Variants in NME2 observed in about 807,000 individuals in gnomAD.
The protein encoded by NME2 is nucleoside diphosphate kinase B.
A neutral mutation model predicts 17.8 loss-of-function variants in NME2; 18 were observed. The ratio of observed to expected loss-of-function variants is 1.01; its 90% CI spans 0.70 to 1.50. NME2 has a LOEUF of 1.50. Ranked by LOEUF, NME2 falls within the 40% of genes most tolerant of loss-of-function variation. The pLI, the probability that NME2 is intolerant of heterozygous loss-of-function variation, is 0.00. For missense variants in NME2, 161 were observed against 195.6 expected (o/e 0.82, Z 1.05); for synonymous variants, 74 against 71.4 (o/e 1.04, Z -0.19).
At chr17:51,171,029 G>C (rs1568128221) in intron 4 of NME2, among the ~76,000 whole-genome samples, 2 of 152,194 alleles carry the variant, frequency 1.3e-5, no homozygotes, top group Admixed American at 6.6e-5. Flanking sequence ...TTGTGAGGTT[G>C]AAGTGGGATA....
intron 4 of NME2, 92 bp downstream of exon 4, chr17:51,170,141 C>A: frequency 1.1e-6 from 1 of 942,496 alleles, no homozygotes; most frequent in Non-Finnish European, 1.5e-6. Flanking sequence ...GAATCTGTGC[C>A]CTTTTTTTTT....
chr17:51,166,774 C>A (rs2049948392), intron 1 of NME2, 53 bp from the exon 2 acceptor site: 1 of 1,512,060 alleles, frequency 6.6e-7, no homozygotes, highest in Non-Finnish European at 8.8e-7. Flanking sequence ...GTGGCCTCCG[C>A]GGGCCCCGCC....
intron 3 of NME2, among the ~76,000 whole-genome samples, chr17:51,169,199 T>C (rs1037101639): frequency 6.6e-6 from 1 of 151,776 alleles, no homozygotes; most frequent in Non-Finnish European, 1.5e-5. Context: ...TCCCAGCACT[T>C]TGGGAGGCCG....
At position 51,168,266 on chromosome 17, in the gene NME2, C is replaced by T. The variant is rs765425059; in HGVS notation, c.151C>T (p.His51Tyr). ...LRASEEHLKQ[H>Y]YIDLKDRPFF... The stretch of plus-strand genomic sequence containing the variant: ...GGCCTCTGAAGAACACCTGAAGCAG[C>T]ACTACATTGACCTGAAAGACCGACC... Residue 51 changes from histidine to tyrosine, a missense_variant, in exon 3 of 5, where the codon CAC becomes TAC. Physicochemically the swap from His to Tyr is moderately conservative, Grantham distance 83. Transcript: ENST00000512737. 3 of 1,613,942 alleles carry T rather than the reference C, an allele frequency of 1.9e-6. No homozygotes were observed. In the East Asian group the frequency reaches 6.7e-5, roughly 36 times the overall value.
At chr17:51,169,740 G>C (rs2050027597) in intron 3 of NME2, 197 bp from the exon 4 acceptor site, 6 of 518,912 alleles carry the variant, frequency 1.2e-5, no homozygotes, top group Non-Finnish European at 2.0e-5. Flanking sequence ...TCCCCAAGTT[G>C]GACAGACTTT....
At chr17:51,170,617 C>T (rs1164053589) in intron 4 of NME2, among the ~76,000 whole-genome samples, 1 of 151,248 alleles carries the variant, frequency 6.6e-6, no homozygotes, top group African/African-American at 2.4e-5. Context: ...CAACATGAAC[C>T]CCGTCTCTAC....
rs1310117069 is a variant in NME2 at position 51,170,303 on chromosome 17, G to A, written c.341+254G>A. ...ATTACAGGTGCACACTGCCACGCCC[G>A]GCTAATTTTTGTATTTTTAGTAGAG... On this transcript the variant is annotated intron_variant, in intron 4 of 4. Transcript: ENST00000512737. Among the ~76,000 whole-genome samples the A allele has an allele frequency of 6.6e-5, 10 of 151,374 alleles. No individual in the cohort carries two copies. The East Asian group carries it at 9.9e-4, about 15-fold the overall frequency.
At chr17:51,168,652 C>T (rs1331718038) in intron 3 of NME2, among the ~76,000 whole-genome samples, 1 of 150,938 alleles carries the variant, frequency 6.6e-6, no homozygotes, top group Non-Finnish European at 1.5e-5. Flanking sequence ...GCCTGGGCAA[C>T]AGAGCGAGAC....
At chr17:51,169,692 G>T (rs1321393055) in intron 3 of NME2, 2 of 420,128 alleles carry the variant, frequency 4.8e-6, no homozygotes, top group African/African-American at 2.1e-5. Flanking sequence ...TAAGGATTCT[G>T]CAACATTGTT....
chr17:51,168,526 C>T (rs2049995325), intron 3 of NME2, among the ~76,000 whole-genome samples, 183 bp downstream of exon 3: 1 of 152,068 alleles, frequency 6.6e-6, no homozygotes, highest in South Asian at 2.1e-4. Flanking sequence ...AGGATGTTAG[C>T]TGGGTGTGGT....
intron 2 of NME2, 40 bp from the exon 3 acceptor site, chr17:51,168,201 TC>T: frequency 6.2e-7 from 1 of 1,607,450 alleles, no homozygotes; most frequent in Non-Finnish European, 8.5e-7. Flanking sequence ...TTGGAGTCTT[TC>T]CAGCTTAGCT....
At chr17:51,169,814 G>T (rs752412802) in intron 3 of NME2, 123 bp from the exon 4 acceptor site, 1 of 834,650 alleles carries the variant, frequency 1.2e-6, no homozygotes, top group Non-Finnish European at 1.9e-6. Context: ...CTCTGCTGGG[G>T]TTAGCTGATA....
At chr17:51,166,734 G>A (rs1159998336) in intron 1 of NME2, 93 bp from the exon 2 acceptor site, 3 of 1,314,342 alleles carry the variant, frequency 2.3e-6, no homozygotes, top group African/African-American at 3.1e-5. Context: ...GGCCGCGCGT[G>A]GTGGGGGAGG....
chr17:51,170,135 C>G, intron 4 of NME2, 86 bp downstream of exon 4: 3 of 847,108 alleles, frequency 3.5e-6, no homozygotes, highest in Non-Finnish European at 5.1e-6. Flanking sequence ...TCAGAAGAAT[C>G]TGTGCCCTTT....
intron 2 of NME2, chr17:51,168,014 C>G (rs908408292): frequency 8.6e-5 from 24 of 280,326 alleles, no homozygotes; most frequent in African/African-American, 5.4e-4. Context: ...AAACAACACA[C>G]CAAAAAAAGA....
At chr17:51,169,659 GTTC>G (rs1223695456) in intron 3 of NME2, 3 of 328,414 alleles carry the variant, frequency 9.1e-6, no homozygotes, top group Non-Finnish European at 1.7e-5. Flanking sequence ...TTCTTCACCA[GTTC>G]TTCTGTGTTG....
rs1342780150 is a variant in NME2, at chr17:51,168,398, G to C, written c.228+55G>C. On this transcript the variant is annotated intron_variant, in intron 3 of 4. Coordinates refer to ENST00000512737, the MANE Select transcript of NME2 (RefSeq NM_002512.4). ...GAGGAAAAAGTGCTCAGTGTTCTTTGTTAGACATCTCCCTCAGCTAATCTA... is the reference window on the plus strand; with the variant it reads ...GAGGAAAAAGTGCTCAGTGTTCTTTCTTAGACATCTCCCTCAGCTAATCTA... 6 of 1,558,102 alleles carry C rather than the reference G, an allele frequency of 3.9e-6. No individual in the cohort carries two copies. In the African/African-American group the frequency reaches 8.2e-5, roughly 21 times the overall value.
At chr17:51,170,095 T>C (rs1328857250) in intron 4 of NME2, 46 bp downstream of exon 4, 2 of 1,465,148 alleles carry the variant, frequency 1.4e-6, no homozygotes, top group Middle Eastern at 1.8e-4. Context: ...GCAACACCAT[T>C]TAAAGCAGAC....
intron 3 of NME2, among the ~76,000 whole-genome samples, chr17:51,168,929 C>T (rs1395583650): frequency 6.6e-6 from 1 of 152,216 alleles, no homozygotes; most frequent in African/African-American, 2.4e-5. Context: ...TGCCACTGCA[C>T]TCCAGCCTGG....
Sources: gnomAD v4.1 joint callset for allele counts (sites outside exome capture counted in the v4.1 genomes callset) on GRCh38, gnomAD v4.1.1 for gene constraint, MANE v1.5 for transcripts, NCBI Gene and HGNC (gene_info 2026-07-23, HGNC 2026-07-21) for gene names.